Variants in SPATA31G1 observed in about 807,000 individuals in gnomAD.
SPATA31G1 encodes the protein spermatogenesis-associated protein 31G1.
the SPATA31G1 span, chr9:35,042,038 TA>T: frequency 1.5e-6 from 1 of 659,266 alleles, no homozygotes; most frequent in African/African-American, 1.8e-5. Context: ...TCCATGTACT[TA>T]ACCACAATGC....
chr9:35,042,964 C>G, the SPATA31G1 span: 2 of 1,614,078 alleles, frequency 1.2e-6, no homozygotes, highest in Non-Finnish European at 1.7e-6. Flanking sequence ...GAAGACGAGG[C>G]ATCTCTGGAT....
chr9:35,041,859 T>G, the SPATA31G1 span: 249 of 171,226 alleles, frequency 1.5e-3, 1 homozygote, highest in African/African-American at 5.6e-3. Flanking sequence ...GGTGACACAG[T>G]GAGATTCTGT....
At chr9:35,043,481 A>G in the SPATA31G1 span, 1 of 1,612,626 alleles carries the variant, frequency 6.2e-7, no homozygotes, top group Admixed American at 1.7e-5. Flanking sequence ...TCTCATCACT[A>G]CTCCTCCATC....
the SPATA31G1 span, chr9:35,042,038 T>A: frequency 6.1e-6 from 4 of 659,266 alleles, no homozygotes; most frequent in Non-Finnish European, 1.0e-5. Context: ...TCCATGTACT[T>A]AACCACAATG....
the SPATA31G1 span, chr9:35,045,325 C>A: frequency 6.2e-7 from 1 of 1,614,074 alleles, no homozygotes; most frequent in Non-Finnish European, 8.5e-7. Context: ...AGCCAGGTCC[C>A]ATCCCAAGGG....
the SPATA31G1 span, chr9:35,044,838 G>T: frequency 6.2e-7 from 1 of 1,614,076 alleles, no homozygotes; most frequent in East Asian, 2.2e-5. Flanking sequence ...CACCCTAGCT[G>T]AAGCTGTGAA....
chr9:35,044,651 G>T, the SPATA31G1 span: 2 of 1,614,172 alleles, frequency 1.2e-6, no homozygotes, highest in South Asian at 2.2e-5. Flanking sequence ...GGGAGGCAGT[G>T]GAGCAAAGAA....
chr9:35,045,459 AAG>A, the SPATA31G1 span: 2 of 1,614,098 alleles, frequency 1.2e-6, no homozygotes, highest in East Asian at 2.2e-5. Flanking sequence ...CTCAGCCAAA[AAG>A]AGAGAGCACC....
At chr9:35,042,676 C>A in the SPATA31G1 span, 1 of 1,161,872 alleles carries the variant, frequency 8.6e-7, no homozygotes, top group Non-Finnish European at 1.2e-6. Context: ...GAATACTGAT[C>A]TCCAAATGAG....
the SPATA31G1 span, chr9:35,045,530 A>T: frequency 6.2e-7 from 1 of 1,614,170 alleles, no homozygotes; most frequent in Non-Finnish European, 8.5e-7. Context: ...GGTTATCCAC[A>T]GTCACAGGGA....
At chr9:35,042,867 C>G in the SPATA31G1 span, 1 of 1,611,210 alleles carries the variant, frequency 6.2e-7, no homozygotes, top group Non-Finnish European at 8.5e-7. Context: ...CCAGGAACTA[C>G]CACTTCTGCA....
At chr9:35,041,103 G>A in the SPATA31G1 span, 1 of 454,956 alleles carries the variant, frequency 2.2e-6, no homozygotes, top group Non-Finnish European at 4.4e-6. Context: ...TTAAAAAGAG[G>A]CAAAGGCAGA....
chr9:35,042,560 G>A, the SPATA31G1 span: 1 of 1,600,454 alleles, frequency 6.2e-7, no homozygotes, highest in East Asian at 2.2e-5. Context: ...ATGAATGTGG[G>A]CCCAGGTGAG....
At chr9:35,044,787 CCT>C in the SPATA31G1 span, 21 of 1,614,090 alleles carry the variant, frequency 1.3e-5, no homozygotes, top group African/African-American at 2.1e-4. Flanking sequence ...AGGCCCCAGC[CCT>C]CTGGCAGTGG....
chr9:35,043,729 A>T, the SPATA31G1 span: 2 of 1,614,134 alleles, frequency 1.2e-6, no homozygotes, highest in Non-Finnish European at 1.7e-6. Context: ...ATATCTAAGG[A>T]CTTCTGGGGA....
chr9:35,042,291 G>C, the SPATA31G1 span: 49 of 1,614,084 alleles, frequency 3.0e-5, no homozygotes, highest in Non-Finnish European at 3.9e-5. Context: ...TGGGGCTAAG[G>C]GGGATATGGG....
chr9:35,043,832 G>C, the SPATA31G1 span: 1 of 1,614,184 alleles, frequency 6.2e-7, no homozygotes, highest in Non-Finnish European at 8.5e-7. Flanking sequence ...TCCAGAGAGA[G>C]AGTTCCCTGG....
At chr9:35,042,458 G>C in the SPATA31G1 span, 2 of 1,614,234 alleles carry the variant, frequency 1.2e-6, no homozygotes, top group Non-Finnish European at 1.7e-6. Flanking sequence ...TTCATCCCTG[G>C]TGCTCTGGGA....
chr9:35,043,147 T>C, the SPATA31G1 span: 35 of 1,614,230 alleles, frequency 2.2e-5, 1 homozygote, highest in East Asian at 7.6e-4. Flanking sequence ...TTCCAGATTC[T>C]GACCAGCTTT....
Sources: allele counts gnomAD v4.1 joint callset, GRCh38; gene constraint gnomAD v4.1.1; transcripts MANE v1.5; gene names NCBI Gene and HGNC (gene_info 2026-07-23, HGNC 2026-07-21).